Variants in ARHGEF10 observed in about 807,000 individuals in gnomAD.
ARHGEF10 encodes Rho guanine nucleotide exchange factor (GEF) 10.
A neutral mutation model predicts 147.4 loss-of-function variants in ARHGEF10; 140 were observed. The ratio of observed to expected loss-of-function variants is 0.95; its 90% confidence interval spans 0.83 to 1.09. ARHGEF10 has a LOEUF of 1.09. ARHGEF10 is among the 50% of genes least tolerant of loss of function. ARHGEF10 has a pLI of 0.00. For missense variants in ARHGEF10, 2,222 were observed against 1,752.7 expected (o/e 1.27, Z -4.78); for synonymous variants, 902 against 695.8 (o/e 1.30, Z -4.67).
At chr8:1,851,359 G>T (rs760027325) in intron 2 of ARHGEF10, among the ~76,000 whole-genome samples, 1 of 148,862 alleles carries the variant, frequency 6.7e-6, no homozygotes, top group Non-Finnish European at 1.5e-5. Context: ...GCTTTAGTTA[G>T]TGACATACCT....
chr8:1,827,377 C>T (rs1371359316), intron 1 of ARHGEF10, among the ~76,000 whole-genome samples: 1 of 152,074 alleles, frequency 6.6e-6, no homozygotes, highest in Non-Finnish European at 1.5e-5. Flanking sequence ...TGGAGAGATT[C>T]GGCTTGCTGC....
intron 6 of ARHGEF10, 48 bp downstream of exon 6, chr8:1,866,650 G>A: frequency 1.3e-6 from 2 of 1,564,592 alleles, no homozygotes. Context: ...ACGCTCCACA[G>A]ACGTCACTGC....
intron 2 of ARHGEF10, among the ~76,000 whole-genome samples, chr8:1,848,422 T>C (rs1375681249): frequency 6.6e-6 from 1 of 152,222 alleles, no homozygotes; most frequent in African/African-American, 2.4e-5. Flanking sequence ...TCCACGACTC[T>C]GTACTTAGCA....
At position 1,888,323 on chromosome 8, in the gene ARHGEF10, G is replaced by GGGC. The variant is rs1808957965; in HGVS notation, c.1182+2617_1182+2618insGCG. ...AGGGTTTGTGAGGATATGCTGAGTG[G>GGGC]GATGTTGACTGTGAGGAGACACTGA... On this transcript the variant is annotated intron_variant, in intron 11 of 28. Coordinates refer to ENST00000349830, the MANE Select transcript of ARHGEF10 (RefSeq NM_014629.4). Among the ~76,000 whole-genome samples, 15 of 113,636 alleles carry GGGC rather than the reference G, an allele frequency of 1.3e-4. 3 individuals carry two copies. The highest frequency in any genetic ancestry group is 4.0e-4 in the African/African-American group (12 of 30,348). 74.5% of individuals were successfully genotyped at this position (113,636 alleles called of 152,430 possible). A position where few individuals can be genotyped will look rare whatever the true frequency, so the allele number is the denominator to read the frequency against.
intron 28 of ARHGEF10, 96 bp downstream of exon 28, chr8:1,952,923 A>T (rs1363033880): frequency 2.6e-6 from 4 of 1,533,080 alleles, no homozygotes; most frequent in Non-Finnish European, 3.6e-6. Flanking sequence ...AGGATTCTTT[A>T]AACAATTCAT....
intron 18 of ARHGEF10, among the ~76,000 whole-genome samples, chr8:1,919,083 G>T (rs867008504): frequency 1.3e-5 from 2 of 150,444 alleles, no homozygotes; most frequent in East Asian, 2.0e-4. Context: ...TGTTCCAGGG[G>T]TGATGGAGCT....
intron 7 of ARHGEF10, 141 bp from the exon 8 acceptor site, chr8:1,876,430 G>A (rs4875944): frequency 1.2e-4 from 112 of 898,564 alleles, no homozygotes; most frequent in African/African-American, 1.0e-3. Context: ...GAGCAAGCCC[G>A]GGGCTCCGCA....
chr8:1,832,583 GAGA>G (rs1803213583), intron 1 of ARHGEF10, among the ~76,000 whole-genome samples: 1 of 130,938 alleles, frequency 7.6e-6, no homozygotes, highest in East Asian at 2.3e-4. Flanking sequence ...GACAGAGGCA[GAGA>G]CAGAGACAGA....
chr8:1,880,554 T>C (rs1375556090), intron 9 of ARHGEF10, among the ~76,000 whole-genome samples: 1 of 152,252 alleles, frequency 6.6e-6, no homozygotes, highest in Non-Finnish European at 1.5e-5. Flanking sequence ...TGAACATTTA[T>C]AAAAATATCC....
At chr8:1,837,164 T>C (rs967060391) in intron 1 of ARHGEF10, among the ~76,000 whole-genome samples, 14 of 152,268 alleles carry the variant, frequency 9.2e-5, no homozygotes. Flanking sequence ...GACTTGTGTA[T>C]GGGTCAGGAT....
chr8:1,905,346 G>A (rs1276901735), intron 16 of ARHGEF10, among the ~76,000 whole-genome samples: 5 of 152,176 alleles, frequency 3.3e-5, no homozygotes, highest in South Asian at 4.1e-4. Flanking sequence ...ATTCCTCACC[G>A]TTCCTGGTTA....
intron 7 of ARHGEF10, chr8:1,870,194 C>CTGAAGTCGG (rs773671136): frequency 6.2e-5 from 9 of 144,074 alleles, no homozygotes; most frequent in Non-Finnish European, 1.2e-4. Context: ...TTCTGAAGTT[C>CTGAAGTCGG]TGAAGTCGGC....
chr8:1,874,848 G>C (rs1414691427), intron 7 of ARHGEF10, among the ~76,000 whole-genome samples: 5 of 129,002 alleles, frequency 3.9e-5, no homozygotes, highest in African/African-American at 1.2e-4. Flanking sequence ...GGCGTGTAGG[G>C]GGTAGAGGTT....
intron 18 of ARHGEF10, among the ~76,000 whole-genome samples, chr8:1,918,343 A>G (rs1299974333): frequency 6.6e-6 from 1 of 152,078 alleles, no homozygotes; most frequent in Admixed American, 6.6e-5. Flanking sequence ...ATAAAACGTC[A>G]GCACATTTCC....
At chr8:1,918,780 C>G (rs1175395277) in intron 18 of ARHGEF10, among the ~76,000 whole-genome samples, 1 of 152,234 alleles carries the variant, frequency 6.6e-6, no homozygotes, top group East Asian at 1.9e-4. Context: ...ATCCCTGTGA[C>G]CTATCCCACA....
At position 1,889,906 on chromosome 8, in the gene ARHGEF10, C is replaced by T. The variant is rs1463041607; in HGVS notation, c.1183-3663C>T. Among the ~76,000 whole-genome samples, 6 of 100,154 alleles carry T rather than the reference C, an allele frequency of 6.0e-5. 1 individual carries two copies. Among genetic ancestry groups the T allele is most frequent in the African/African-American group, 2.6e-4 (6 of 22,682 alleles). 65.7% of individuals were successfully genotyped at this position (100,154 alleles called of 152,430 possible). On this transcript the variant is annotated intron_variant, in intron 11 of 28. Coordinates refer to ENST00000349830, the MANE Select transcript of ARHGEF10 (RefSeq NM_014629.4). ...GTGAGGAGACACTGCATGGGGTGAA[C>T]TTTGTTAGGAGGCAGTGAGTGGGGC...
chr8:1,881,550 C>T (rs1273600139), intron 9 of ARHGEF10, among the ~76,000 whole-genome samples: 1 of 149,450 alleles, frequency 6.7e-6, no homozygotes, highest in Non-Finnish European at 1.5e-5. Context: ...TTGGGAGATG[C>T]AGGAGCAGGG....
At chr8:1,913,342 G>T (rs905473473) in intron 18 of ARHGEF10, among the ~76,000 whole-genome samples, 1 of 152,318 alleles carries the variant, frequency 6.6e-6, no homozygotes, top group Non-Finnish European at 1.5e-5. Context: ...TCTCAAGTCA[G>T]TGTACAGGTG....
intron 2 of ARHGEF10, among the ~76,000 whole-genome samples, chr8:1,847,816 G>A (rs1040289483): frequency 5.3e-5 from 8 of 152,190 alleles, no homozygotes; most frequent in Non-Finnish European, 1.0e-4. Context: ...ATCATATCCC[G>A]AGTTAAACCT....
Sources: gnomAD v4.1 joint callset for allele counts (sites outside exome capture counted in the v4.1 genomes callset) on GRCh38, gnomAD v4.1.1 for gene constraint, MANE v1.5 for transcripts, NCBI Gene and HGNC (gene_info 2026-07-23, HGNC 2026-07-21) for gene names.